The following ANO1 variants were observed in gnomAD, a reference collection of about 807,000 sequenced individuals.
The protein encoded by ANO1 is anoctamin 1.
ANO1 carries 59 observed loss-of-function variants against 124.0 expected under a neutral mutation model. That is an observed-to-expected ratio of 0.48 (90% CI 0.39 to 0.59). ANO1 has a LOEUF of 0.59. Among genes scored for constraint, ANO1 ranks in the 20% least tolerant of loss-of-function variants. The pLI is 0.00. For synonymous variants in ANO1, 529 were observed against 532.0 expected (o/e 0.99, Z 0.08); for missense variants, 1,059 against 1,328.0 (o/e 0.80, Z 3.15).
chr11:70,019,331 C>T (rs894470732), intron 1 of ANO1, among the ~76,000 whole-genome samples: 8 of 150,072 alleles, frequency 5.3e-5, no homozygotes, highest in African/African-American at 2.0e-4. Flanking sequence ...CACACACGCA[C>T]GCACACACAC....
upstream of ANO1, among the ~76,000 whole-genome samples, chr11:69,981,264 C>G (rs1195044246): frequency 1.3e-5 from 2 of 152,186 alleles, no homozygotes; most frequent in Non-Finnish European, 2.9e-5. Flanking sequence ...GCAAGCCCCA[C>G]TCTCCCACTT....
chr11:70,044,220 T>C (rs1555005338), intron 1 of ANO1, among the ~76,000 whole-genome samples: 7 of 151,966 alleles, frequency 4.6e-5, no homozygotes, highest in Non-Finnish European at 1.0e-4. Flanking sequence ...ACAGTAAAGA[T>C]AAAATGGAAT....
chr11:70,114,845 T>TA (rs1175327678), intron 7 of ANO1, among the ~76,000 whole-genome samples: 1 of 152,056 alleles, frequency 6.6e-6, no homozygotes, highest in Non-Finnish European at 1.5e-5. Context: ...AACAACCTGA[T>TA]AGAGTTGTGT....
At chr11:70,105,419 G>C (rs1406942276) in intron 4 of ANO1, among the ~76,000 whole-genome samples, 1 of 152,022 alleles carries the variant, frequency 6.6e-6, no homozygotes, top group Non-Finnish European at 1.5e-5. Context: ...TGCCCACTGA[G>C]GATGTCATCA....
At chr11:70,074,263 T>C (rs959684672), upstream of ANO1, among the ~76,000 whole-genome samples, 3 of 151,986 alleles carry the variant, frequency 2.0e-5, no homozygotes, top group African/African-American at 7.3e-5. Flanking sequence ...CAACAGCACT[T>C]ATTAAACCCC....
intron 22 of ANO1, 87 bp downstream of exon 22, chr11:70,171,126 A>G: frequency 6.7e-7 from 1 of 1,498,120 alleles, no homozygotes; most frequent in Non-Finnish European, 9.0e-7. Flanking sequence ...AGCTAGAGCC[A>G]GAGCTGGCCA....
At chr11:70,003,385 C>G (rs1554999626) in intron 1 of ANO1, among the ~76,000 whole-genome samples, 1 of 152,206 alleles carries the variant, frequency 6.6e-6, no homozygotes, top group Admixed American at 6.5e-5. Flanking sequence ...CCACTGGTCT[C>G]AGGACAGCTT....
intron 1 of ANO1, chr11:70,072,587 G>A (rs1857899207): frequency 6.6e-6 from 1 of 152,344 alleles, no homozygotes; most frequent in Non-Finnish European, 1.5e-5. Flanking sequence ...TGAGGCCCCA[G>A]AGGATTCGCC....
chr11:70,170,191 G>A (rs1481095362), intron 21 of ANO1: 2 of 454,976 alleles, frequency 4.4e-6, no homozygotes, highest in Non-Finnish European at 8.8e-6. Flanking sequence ...GTCCCAGGGA[G>A]CCCCCATGAT....
At chr11:70,036,498 C>T (rs577258271) in intron 1 of ANO1, among the ~76,000 whole-genome samples, 3 of 152,304 alleles carry the variant, frequency 2.0e-5, no homozygotes, top group South Asian at 4.2e-4. Flanking sequence ...GGAAGGCCTG[C>T]TCGGTGACTC....
chr11:70,108,432 A>T, intron 6 of ANO1, 28 bp downstream of exon 6: 1 of 1,607,980 alleles, frequency 6.2e-7, no homozygotes, highest in Non-Finnish European at 8.5e-7. Flanking sequence ...GCTTGAGATC[A>T]GCATTGGTTT....
At chr11:70,167,602 T>C (rs2048305506) in intron 21 of ANO1, among the ~76,000 whole-genome samples, 1 of 151,664 alleles carries the variant, frequency 6.6e-6, no homozygotes, top group Admixed American at 6.6e-5. Flanking sequence ...CTGGATGGAG[T>C]CCTGTGTTCC....
intron 1 of ANO1, among the ~76,000 whole-genome samples, chr11:70,008,258 G>A (rs1477471527): frequency 2.0e-5 from 3 of 152,048 alleles, no homozygotes; most frequent in Non-Finnish European, 2.9e-5. Flanking sequence ...TTTTGAGCTC[G>A]ATACAGTCTC....
At position 70,096,725 on chromosome 11, in the gene ANO1, G is replaced by A. The variant is rs1031686822; in HGVS notation, c.442-6341G>A. Among the ~76,000 whole-genome samples the A allele has an allele frequency of 3.9e-5, 6 of 152,288 alleles. No individual in the cohort carries two copies. The East Asian group carries it at 9.7e-4, about 25-fold the overall frequency. ...AAAATACAAAAATTAGTTGGGCATG[G>A]TGGCACATGCCTGTAGTCCCAGCTA... On this transcript the variant is annotated intron_variant, in intron 2 of 25. Coordinates refer to ENST00000355303, the MANE Select transcript of ANO1 (RefSeq NM_018043.7).
At chr11:70,147,571 C>G (rs893383270) in intron 11 of ANO1, among the ~76,000 whole-genome samples, 6 of 152,248 alleles carry the variant, frequency 3.9e-5, no homozygotes. Context: ...CCCCAGGCTC[C>G]TGGCTCTCCC....
chr11:70,186,498 G>C (rs571449974), intron 25 of ANO1, among the ~76,000 whole-genome samples: 10 of 152,266 alleles, frequency 6.6e-5, no homozygotes, highest in African/African-American at 2.4e-4. Context: ...GCAGTGGGCT[G>C]TCAGATGACC....
intron 1 of ANO1, among the ~76,000 whole-genome samples, chr11:70,067,781 G>A (rs973799283): frequency 9.2e-5 from 14 of 152,134 alleles, no homozygotes; most frequent in African/African-American, 1.4e-4. Context: ...TTGGGCAGTC[G>A]ACCCCTCCTT....
the ANO1 span, among the ~76,000 whole-genome samples, chr11:69,972,062 A>AAAT: frequency 6.0e-5 from 9 of 149,430 alleles, no homozygotes; most frequent in Middle Eastern, 3.4e-3. Context: ...CTCTACTAAA[A>AAAT]AAATAAATAA....
intron 1 of ANO1, among the ~76,000 whole-genome samples, chr11:70,053,718 T>C (rs1366519038): frequency 6.6e-6 from 1 of 152,204 alleles, no homozygotes; most frequent in African/African-American, 2.4e-5. Context: ...TGGGAAATGG[T>C]CTCTCTCCCT....
Sources: gnomAD v4.1 joint callset for allele counts (sites outside exome capture counted in the v4.1 genomes callset) on GRCh38, gnomAD v4.1.1 for gene constraint, MANE v1.5 for transcripts, NCBI Gene and HGNC (gene_info 2026-07-23, HGNC 2026-07-21) for gene names.